The following ZNF618 variants were observed in gnomAD, a reference collection of about 807,000 sequenced individuals.
The protein encoded by ZNF618 is neural precursor cell expressed, developmentally down-regulated 10.
ZNF618 carries 34 observed loss-of-function variants against 103.0 expected under a neutral mutation model. The observed-to-expected ratio is 0.33, with a 90% CI of 0.25 to 0.44. ZNF618 has a LOEUF of 0.44. Among genes scored for constraint, ZNF618 ranks in the 20% least tolerant of loss-of-function variants. ZNF618 has a pLI of 1.00. For missense variants in ZNF618, 1,059 were observed against 1,295.4 expected, an observed-to-expected ratio of 0.82 and a Z score of 2.80; for synonymous variants, 551 against 542.2, an observed-to-expected ratio of 1.02 and a Z score of -0.23.
chr9:113,903,175 A>G (rs117360024), intron 1 of ZNF618, among the ~76,000 whole-genome samples: 5,006 of 152,286 alleles, frequency 0.033, 116 homozygotes, highest in Non-Finnish European at 0.046. Context: ...TTGGTTTTTC[A>G]ATTTTTAACT....
intron 1 of ZNF618, among the ~76,000 whole-genome samples, chr9:113,930,280 G>A (rs1485677810): frequency 6.6e-6 from 1 of 152,214 alleles, no homozygotes; most frequent in East Asian, 1.9e-4. Context: ...GGCAGGAAAA[G>A]CGTTGCACAT....
chr9:114,000,914 G>C (rs1841134012), intron 4 of ZNF618, among the ~76,000 whole-genome samples: 1 of 152,218 alleles, frequency 6.6e-6, no homozygotes, highest in Non-Finnish European at 1.5e-5. Context: ...CTGGGCACCA[G>C]AATTCCCTGG....
chr9:114,033,585 C>T (rs1232911002), intron 12 of ZNF618, among the ~76,000 whole-genome samples: 1 of 152,094 alleles, frequency 6.6e-6, no homozygotes, highest in Non-Finnish European at 1.5e-5. Flanking sequence ...GCGGCAGAGC[C>T]CTAGAATGTC....
intron 1 of ZNF618, among the ~76,000 whole-genome samples, chr9:113,905,873 C>T (rs1331086853): frequency 6.6e-6 from 1 of 152,146 alleles, no homozygotes; most frequent in Non-Finnish European, 1.5e-5. Flanking sequence ...CTTGGTTTTC[C>T]CCTCCCTGCC....
At chr9:113,894,147 G>A (rs1269322364) in intron 1 of ZNF618, among the ~76,000 whole-genome samples, 2 of 152,122 alleles carry the variant, frequency 1.3e-5, no homozygotes, top group African/African-American at 4.8e-5. Flanking sequence ...TTATTAGCCA[G>A]AATTCTCTAA....
rs144509438 is a variant in ZNF618 at position 113,899,400 on chromosome 9, C to T, written c.33+22987C>T. 7.2e-3 allele frequency among the ~76,000 whole-genome samples: 1,100 copies of T among 152,274 alleles called. 6 individuals carry two copies. The highest frequency in any genetic ancestry group is 0.017 in the Admixed American group (267 of 15,298). On this transcript the variant is annotated intron_variant, in intron 1 of 14. Transcript: ENST00000374126. Reference sequence around the variant, plus strand: ...TCCAGGCTGCAGACCAGTACAGGTCCGTGGCCTGTTGGGAACTGGGCTGTA... The same window carrying T: ...TCCAGGCTGCAGACCAGTACAGGTCTGTGGCCTGTTGGGAACTGGGCTGTA...
At chr9:113,928,155 C>A (rs959723517) in intron 1 of ZNF618, among the ~76,000 whole-genome samples, 2 of 152,112 alleles carry the variant, frequency 1.3e-5, no homozygotes, top group African/African-American at 4.8e-5. Context: ...TGAACTCTTC[C>A]AATGCAGTGA....
intron 9 of ZNF618, chr9:114,016,111 A>C (rs1177647783): frequency 2.5e-6 from 4 of 1,608,066 alleles, no homozygotes; most frequent in Non-Finnish European, 3.4e-6. Flanking sequence ...ATTTTCCCCC[A>C]GTGAACAATA....
chr9:114,034,915 C>A (rs141898707), intron 12 of ZNF618, among the ~76,000 whole-genome samples: 1 of 152,304 alleles, frequency 6.6e-6, no homozygotes, highest in Non-Finnish European at 1.5e-5. Flanking sequence ...TGTCCTCACT[C>A]TTTCAGAGTG....
At chr9:113,962,360 C>T (rs1297920848) in intron 1 of ZNF618, among the ~76,000 whole-genome samples, 5 of 152,186 alleles carry the variant, frequency 3.3e-5, no homozygotes, top group Admixed American at 2.6e-4. Flanking sequence ...CTCCGTAGCC[C>T]TGCCAGCCTT....
At chr9:114,030,032 T>C (rs1305647007) in intron 11 of ZNF618, among the ~76,000 whole-genome samples, 1 of 152,168 alleles carries the variant, frequency 6.6e-6, no homozygotes, top group East Asian at 1.9e-4. Context: ...GCCCTTCAGT[T>C]GTCCTCAGGA....
intron 1 of ZNF618, among the ~76,000 whole-genome samples, chr9:113,903,102 C>T (rs1564149832): frequency 6.6e-6 from 1 of 152,200 alleles, no homozygotes; most frequent in South Asian, 2.1e-4. Flanking sequence ...CATAAAATCA[C>T]TTTGCCAATA....
intron 3 of ZNF618, among the ~76,000 whole-genome samples, chr9:113,990,121 C>T (rs1315674333): frequency 6.6e-6 from 1 of 152,218 alleles, no homozygotes; most frequent in East Asian, 1.9e-4. Context: ...AATGCCTTCC[C>T]CCATTTCCAC....
chr9:113,982,183 T>C (rs1424330869), intron 2 of ZNF618, among the ~76,000 whole-genome samples: 1 of 152,216 alleles, frequency 6.6e-6, no homozygotes, highest in African/African-American at 2.4e-5. Context: ...TCAAATTTCA[T>C]GTTACACCAT....
chr9:114,031,238 C>T (rs1283224652), intron 11 of ZNF618, among the ~76,000 whole-genome samples: 3 of 152,152 alleles, frequency 2.0e-5, no homozygotes, highest in African/African-American at 7.2e-5. Flanking sequence ...CCCCCCACCC[C>T]CACCCCTTTC....
intron 2 of ZNF618, among the ~76,000 whole-genome samples, chr9:113,985,218 A>G (rs1379215082): frequency 2.0e-5 from 3 of 152,202 alleles, no homozygotes; most frequent in Non-Finnish European, 4.4e-5. Context: ...GGAACCTGCA[A>G]CTGGCAGTTT....
chr9:113,999,245 T>C (rs973824514), intron 4 of ZNF618, among the ~76,000 whole-genome samples: 5 of 150,080 alleles, frequency 3.3e-5, no homozygotes, highest in Non-Finnish European at 5.9e-5. Context: ...GGCGGGGCCC[T>C]GGGTTTTAGG....
At chr9:113,948,214 C>T (rs751441169) in intron 1 of ZNF618, among the ~76,000 whole-genome samples, 9 of 152,188 alleles carry the variant, frequency 5.9e-5, no homozygotes, top group Non-Finnish European at 1.2e-4. Context: ...CATACTCCAT[C>T]GCCATTGTCA....
intron 3 of ZNF618, among the ~76,000 whole-genome samples, chr9:113,994,816 C>T (rs1404322023): frequency 6.6e-6 from 1 of 152,020 alleles, no homozygotes; most frequent in Non-Finnish European, 1.5e-5. Context: ...CTCAATACCT[C>T]CTAAAAGAAT....
Sources: allele counts gnomAD v4.1 joint callset (sites outside exome capture counted in the v4.1 genomes callset), GRCh38; gene constraint gnomAD v4.1.1; transcripts MANE v1.5; gene names NCBI Gene and HGNC (gene_info 2026-07-23, HGNC 2026-07-21).